PPP1R13L: variants seen among roughly 807,000 people sequenced by gnomAD.
The protein encoded by PPP1R13L is protein phosphatase 1 regulatory subunit 13 like.
Under a neutral mutation model 80.9 loss-of-function variants are expected in PPP1R13L, and 50 were observed. That is an observed-to-expected ratio of 0.62 (90% confidence interval 0.49 to 0.78). The LOEUF is 0.78. PPP1R13L is among the 30% of genes least tolerant of loss of function. PPP1R13L has a pLI of 0.00. For synonymous variants in PPP1R13L, 602 were observed against 534.3 expected (o/e 1.13, Z -1.75); for missense variants, 1,200 against 1,205.9 (o/e 1.00, Z 0.07).
chr19:45,384,008 G>T (rs897345484), intron 11 of PPP1R13L, among the ~76,000 whole-genome samples: 1 of 150,992 alleles, frequency 6.6e-6, no homozygotes, highest in Middle Eastern at 3.3e-3. Flanking sequence ...CATGCAATCC[G>T]CCCGCCTCGA....
At position 45,405,027 on chromosome 19, in the gene PPP1R13L, G is replaced by C; in HGVS notation, c.-50C>G. On this transcript the variant is annotated 5_prime_UTR_variant, in exon 1 of 13. Coordinates refer to ENST00000360957, the MANE Select transcript of PPP1R13L (RefSeq NM_006663.4). ...TCCGGGCAGATCCTGGCACCTGGGG[G>C]CTTCCTCCAGCTCGGGCTCCGGCTT... is the stretch of plus-strand genomic sequence containing the variant. The C allele has an allele frequency of 1.0e-6, 1 of 986,050 alleles. No homozygotes were observed. Among genetic ancestry groups the C allele is most frequent in the South Asian group, 4.7e-5 (1 of 21,286 alleles). 61.1% of individuals were successfully genotyped at this position (986,050 alleles called of 1,614,324 possible).
At chr19:45,393,853 G>A (rs886360571) in intron 7 of PPP1R13L, among the ~76,000 whole-genome samples, 1 of 151,968 alleles carries the variant, frequency 6.6e-6, no homozygotes, top group African/African-American at 2.4e-5. Context: ...GGAAGAAAGA[G>A]CGAGACTCTG....
At chr19:45,399,819 T>C (rs1281963161) in intron 1 of PPP1R13L, among the ~76,000 whole-genome samples, 2 of 151,298 alleles carry the variant, frequency 1.3e-5, no homozygotes, top group African/African-American at 4.9e-5. Context: ...CATGGTGGCA[T>C]GTGCCTGTAA....
At chr19:45,387,897 G>A (rs1972900436) in intron 8 of PPP1R13L, among the ~76,000 whole-genome samples, 1 of 152,116 alleles carries the variant, frequency 6.6e-6, no homozygotes, top group Non-Finnish European at 1.5e-5. Flanking sequence ...GGGTGCGGTG[G>A]CTCATGTGTG....
intron 11 of PPP1R13L, among the ~76,000 whole-genome samples, chr19:45,383,216 G>A (rs536312342): frequency 6.7e-6 from 1 of 150,210 alleles, no homozygotes; most frequent in African/African-American, 2.5e-5. Flanking sequence ...GGATGGTCTC[G>A]ATCTCCTGAC....
chr19:45,398,140 G>A lies in PPP1R13L; in HGVS notation c.63C>T (p.Ala21=). Residue 21 remains alanine, a synonymous_variant, in exon 3 of 13, where the codon GCC becomes GCT. Transcript: ENST00000360957. The part of the protein sequence containing the change: ...DFLDMNFQSL[A]MKHMDLKQME... ...TCTGCTTCAGATCCATGTGTTTCAT[G>A]GCCAGCGCTGGGAAGGTGGGAGTGG... 6.2e-7 allele frequency: 1 copy of A among 1,613,940 alleles called. No individual in the cohort carries two copies. Among genetic ancestry groups the A allele is most frequent in the Non-Finnish European group, 8.5e-7 (1 of 1,179,872 alleles).
chr19:45,390,503 G>T (rs199561215), intron 8 of PPP1R13L, among the ~76,000 whole-genome samples: 1 of 152,150 alleles, frequency 6.6e-6, no homozygotes, highest in Non-Finnish European at 1.5e-5. Context: ...TCTGTTAGCT[G>T]ATGTCTGTAG....
At chr19:45,404,901 G>A (rs576918891) in intron 1 of PPP1R13L, 98 bp downstream of exon 1, 464 of 756,974 alleles carry the variant, frequency 6.1e-4, no homozygotes, top group Admixed American at 1.3e-3. Flanking sequence ...CCCAAATTCC[G>A]CCCTGGGACC....
chr19:45,384,565 C>T (rs1233613337), intron 11 of PPP1R13L, among the ~76,000 whole-genome samples: 1 of 145,952 alleles, frequency 6.9e-6, no homozygotes, highest in Admixed American at 6.8e-5. Context: ...ATAAATATTT[C>T]GTAGAGGTCA....
Position 45,385,598 on chromosome 19 carries a change from G to A in PPP1R13L, c.2212C>T (p.Arg738Cys). 1 of 1,613,072 alleles carries A rather than the reference G, an allele frequency of 6.2e-7. No homozygotes were observed. Among genetic ancestry groups the A allele is most frequent in the Non-Finnish European group, 8.5e-7 (1 of 1,179,826 alleles). ...GTGGCGCAGTCAGCATAACCCTCGC[G>A]GTAAGGGTCGCACTTCTCGAAGGCG... is the stretch of plus-strand genomic sequence containing the variant. ...ATAFEKCDPYREGYADCATYL... is the reference protein window; with the variant it reads ...ATAFEKCDPYCEGYADCATYL... The change falls in exon 11 of 13, where the codon CGC (arginine) becomes TGC (cysteine). Residue 738 changes from arginine to cysteine, a missense_variant. Arg to Cys is a radical substitution (Grantham distance 180). Coordinates refer to ENST00000360957, the MANE Select transcript of PPP1R13L (RefSeq NM_006663.4).
At position 45,396,986 on chromosome 19, in the gene PPP1R13L, C is replaced by T. The variant is rs774592885; in HGVS notation, c.271G>A (p.Asp91Asn). Residue 91 changes from aspartate (D) to asparagine (N), a missense_variant, in exon 4 of 13, where the codon GAC becomes AAC. Physicochemically the swap from Asp to Asn is conservative, Grantham distance 23. Coordinates refer to ENST00000360957, the MANE Select transcript of PPP1R13L (RefSeq NM_006663.4). This position sits in a 1 kb window ranked among gnomAD's most constrained non-coding sequence, Gnocchi z 5.3. ...CGTCCGAACGGGGTGTCTGCGCCGT[C>T]GGTGGCCGCCTTCCGGGGGGACCCT... ...SRGSPRKAAT[D>N]GADTPFGRSE... 27 of 1,379,954 alleles carry T rather than the reference C, an allele frequency of 2.0e-5. 1 individual carries two copies. The Middle Eastern group carries it at 5.8e-4, about 30-fold the overall frequency. 85.5% of individuals were successfully genotyped at this position (1,379,954 alleles called of 1,614,324 possible).
chr19:45,385,761 A>G (rs1972853933), intron 10 of PPP1R13L, 33 bp from the exon 11 acceptor site: 2 of 1,608,336 alleles, frequency 1.2e-6, no homozygotes, highest in Non-Finnish European at 1.7e-6. Flanking sequence ...GCGGGGAACG[A>G]TGCGTGAGAG....
Position 45,380,216 on chromosome 19 carries a change from C to T in PPP1R13L, c.2461G>A (p.Val821Met), listed in dbSNP as rs1291669375. The T allele has an allele frequency of 3.7e-6, 6 of 1,613,956 alleles. No homozygotes were observed. The Admixed American group carries it at 1.0e-4, about 27-fold the overall frequency. ...TAGACTTTACTCCTTTGAGGCTTCACCCTGGGGAACAGCTGGGGAGAGACA... is the reference window on the plus strand; with the variant it reads ...TAGACTTTACTCCTTTGAGGCTTCATCCTGGGGAACAGCTGGGGAGAGACA... ...PRNYFGLFPR[V>M]KPQRSKV Residue 821 changes from valine (V) to methionine (M), a missense_variant, in exon 13 of 13, where the codon GTG (valine) becomes ATG (methionine). Physicochemically the swap from Val to Met is conservative, Grantham distance 21. Around this residue, in one of 5 missense-constraint regions of PPP1R13L, gnomAD observed 165 missense variants for 177.1 expected, o/e 0.93. Coordinates refer to ENST00000360957, the MANE Select transcript of PPP1R13L (RefSeq NM_006663.4).
chr19:45,397,430 TCC>T (rs1973127807), intron 3 of PPP1R13L, among the ~76,000 whole-genome samples: 1 of 139,704 alleles, frequency 7.2e-6, no homozygotes. Flanking sequence ...TCTCTCTCCT[TCC>T]CTCCCTCCCT....
rs1409941034 is a variant in PPP1R13L, at chr19:45,391,907, G to T, written c.1788C>A (p.Ser596Arg). 3.3e-6 allele frequency: 5 copies of T among 1,496,366 alleles called. No individual in the cohort carries two copies. Among genetic ancestry groups the T allele is most frequent in the Admixed American group, 2.4e-5 (1 of 41,436 alleles). 92.7% of individuals were successfully genotyped at this position (1,496,366 alleles called of 1,614,324 possible). ...TGCTCTGCGGCTGCTCTGGTGGGCT[G>T]CTCTGGGACGGGGCCGGGGGTGGAA... Reference protein sequence around the residue: ...APIPPPAPSQSSPPEQPQSME... With the variant: ...APIPPPAPSQRSPPEQPQSME... Residue 596 changes from serine (S) to arginine (R), a missense_variant, in exon 8 of 13, where the codon AGC (serine) becomes AGA (arginine). By Grantham distance (110) the Ser-to-Arg change is moderately radical. Coordinates refer to ENST00000360957, the MANE Select transcript of PPP1R13L (RefSeq NM_006663.4).
At chr19:45,390,473 A>G (rs1972949628) in intron 8 of PPP1R13L, among the ~76,000 whole-genome samples, 1 of 152,194 alleles carries the variant, frequency 6.6e-6, no homozygotes, top group Non-Finnish European at 1.5e-5. Flanking sequence ...TGTATGAGAA[A>G]GCACTGTAAA....
intron 8 of PPP1R13L, among the ~76,000 whole-genome samples, chr19:45,386,747 T>C (rs1972879033): frequency 6.6e-6 from 1 of 151,134 alleles, no homozygotes; most frequent in Admixed American, 6.6e-5. Context: ...GCAATTCTCC[T>C]GCCTCAGCCT....
chr19:45,396,760 AGCGGGCCTGGCCCGGGCC>A lies in PPP1R13L; in HGVS notation c.479_496del (p.Arg160_Pro165del), dbSNP rs1181875146. On this transcript the variant is annotated inframe_deletion, in exon 4 of 13. Transcript: ENST00000360957. This position sits in a 1 kb window ranked among gnomAD's most constrained non-coding sequence, Gnocchi z 5.3. Reference sequence around the variant, plus strand: ...AGGCGTGGGGGGACCCTGCTGGCGGAGCGGGCCTGGCCCGGGCCGCGGGGAGGGCGCACGGCCGAGGGA... The same window carrying A: ...AGGCGTGGGGGGACCCTGCTGGCGGAGCGGGGAGGGCGCACGGCCGAGGGA... The A allele has an allele frequency of 1.3e-5, 17 of 1,353,820 alleles. No individual in the cohort carries two copies. Among genetic ancestry groups the A allele is most frequent in the Non-Finnish European group, 1.6e-5 (17 of 1,063,436 alleles). The allele number at this position is 1,353,820 out of a possible 1,614,324, so 83.9% of individuals were successfully genotyped here. A position where few individuals can be genotyped will look rare whatever the true frequency, so the allele number is the denominator to read the frequency against.
At chr19:45,402,970 C>A (rs545398069) in intron 1 of PPP1R13L, among the ~76,000 whole-genome samples, 1 of 152,292 alleles carries the variant, frequency 6.6e-6, no homozygotes, top group African/African-American at 2.4e-5. Context: ...CACACTGAAT[C>A]TGGAGAGGCT....
Sources: allele counts gnomAD v4.1 joint callset (sites outside exome capture counted in the v4.1 genomes callset), GRCh38; gene constraint gnomAD v4.1.1; regional missense constraint gnomAD v4.1.1; non-coding constraint Gnocchi (gnomAD v3.1); transcripts MANE v1.5; gene names NCBI Gene and HGNC (gene_info 2026-07-23, HGNC 2026-07-21).